TCF12: variants seen among roughly 807,000 people sequenced by gnomAD.
TCF12 encodes transcription factor 12, also known as DNA-binding protein HTF4.
TCF12 carries 45 observed loss-of-function variants against 86.0 expected under a neutral mutation model. The ratio of observed to expected loss-of-function variants is 0.52; its 90% CI spans 0.41 to 0.67. TCF12 has a LOEUF of 0.67. Ranked by LOEUF, TCF12 falls within the 30% of genes least tolerant of loss-of-function variation. TCF12 has a pLI of 0.00. For missense variants in TCF12, 881 were observed against 859.9 expected, an observed-to-expected ratio of 1.02 and a Z score of -0.31; for synonymous variants, 330 against 299.6, an observed-to-expected ratio of 1.10 and a Z score of -1.05.
At chr15:57,134,795 C>A (rs1427176482) in intron 5 of TCF12, among the ~76,000 whole-genome samples, 1 of 151,674 alleles carries the variant, frequency 6.6e-6, no homozygotes, top group Non-Finnish European at 1.5e-5. Flanking sequence ...CCCAGTGGAT[C>A]ACTGTCAAGA....
chr15:56,935,328 C>A (rs538224953), intron 3 of TCF12, among the ~76,000 whole-genome samples: 2 of 152,084 alleles, frequency 1.3e-5, no homozygotes, highest in Non-Finnish European at 2.9e-5. Context: ...AGGCTAAAAG[C>A]CTGAGATCAG....
chr15:56,978,793 T>A (rs2062744830), intron 3 of TCF12, among the ~76,000 whole-genome samples: 1 of 152,198 alleles, frequency 6.6e-6, no homozygotes, highest in Non-Finnish European at 1.5e-5. Context: ...CTGGCCTAAG[T>A]ATTCAGCAGG....
At chr15:56,972,828 G>A (rs1176108557) in intron 3 of TCF12, among the ~76,000 whole-genome samples, 1 of 152,162 alleles carries the variant, frequency 6.6e-6, no homozygotes. Flanking sequence ...TTTCAAATGA[G>A]TAACATAGTT....
intron 3 of TCF12, among the ~76,000 whole-genome samples, chr15:57,004,257 G>A (rs1316721047): frequency 2.0e-5 from 3 of 149,984 alleles, no homozygotes; most frequent in Non-Finnish European, 4.4e-5. Context: ...TTTTGAGATG[G>A]AGTTTTGCTC....
intron 18 of TCF12, 36 bp downstream of exon 18, chr15:57,263,310 T>C: frequency 6.3e-7 from 1 of 1,587,834 alleles, no homozygotes; most frequent in South Asian, 1.2e-5. Context: ...ATTTTATTCA[T>C]TTTCCATAGG....
chr15:56,962,056 C>G (rs1053800514), intron 3 of TCF12, among the ~76,000 whole-genome samples: 8 of 150,340 alleles, frequency 5.3e-5, no homozygotes, highest in Non-Finnish European at 1.2e-4. Flanking sequence ...TGGCGTGAAC[C>G]CGGGAGGCGG....
intron 3 of TCF12, among the ~76,000 whole-genome samples, chr15:57,014,734 C>T (rs1244174296): frequency 6.6e-6 from 1 of 152,058 alleles, no homozygotes; most frequent in African/African-American, 2.4e-5. Context: ...TCAGATTCTT[C>T]TGCAGGGTTG....
chr15:57,254,874 A>AAAAAAAG (rs1555410242), intron 16 of TCF12, among the ~76,000 whole-genome samples: 27 of 108,706 alleles, frequency 2.5e-4, no homozygotes, highest in Non-Finnish European at 4.3e-4. Flanking sequence ...AAAAAAAAAA[A>AAAAAAAG]AAAGAAAGAA....
At chr15:56,973,089 A>G (rs2062418926) in intron 3 of TCF12, among the ~76,000 whole-genome samples, 1 of 152,074 alleles carries the variant, frequency 6.6e-6, no homozygotes. Flanking sequence ...TTAAAAGTAG[A>G]AAGGGAGAAG....
intron 3 of TCF12, among the ~76,000 whole-genome samples, chr15:57,022,185 TTAAG>T (rs1408643044): frequency 6.6e-6 from 1 of 152,124 alleles, no homozygotes; most frequent in Non-Finnish European, 1.5e-5. Context: ...ATCATTTATA[TTAAG>T]TATTTCTCTT....
At chr15:57,063,303 G>T (rs2068601980) in intron 3 of TCF12, among the ~76,000 whole-genome samples, 1 of 152,160 alleles carries the variant, frequency 6.6e-6, no homozygotes, top group Admixed American at 6.5e-5. Context: ...TCTGATCACT[G>T]ATCAGAAAGA....
At chr15:57,056,299 C>A (rs2068023566) in intron 3 of TCF12, among the ~76,000 whole-genome samples, 1 of 151,984 alleles carries the variant, frequency 6.6e-6, no homozygotes, top group African/African-American at 2.4e-5. Flanking sequence ...CACCACCATT[C>A]CCAGCTACTT....
chr15:57,028,618 T>G (rs573545989), intron 3 of TCF12, among the ~76,000 whole-genome samples: 352 of 152,306 alleles, frequency 2.3e-3, no homozygotes, highest in African/African-American at 8.1e-3. Context: ...ATATGAATAT[T>G]TTCTCCTAGC....
At chr15:57,261,691 G>A (rs1197864436) in intron 16 of TCF12, among the ~76,000 whole-genome samples, 3 of 152,028 alleles carry the variant, frequency 2.0e-5, no homozygotes, top group Non-Finnish European at 4.4e-5. Flanking sequence ...GAATGTAGCA[G>A]TATTTTGTTA....
intron 3 of TCF12, among the ~76,000 whole-genome samples, chr15:57,056,419 G>A (rs1011526088): frequency 6.6e-6 from 1 of 152,054 alleles, no homozygotes; most frequent in African/African-American, 2.4e-5. Context: ...TGGGATTACA[G>A]GCTTGAGCCA....
chr15:57,212,464 A>T (rs1313671542), intron 8 of TCF12, among the ~76,000 whole-genome samples: 1 of 152,030 alleles, frequency 6.6e-6, no homozygotes, highest in Non-Finnish European at 1.5e-5. Flanking sequence ...CTTTTTGTAG[A>T]GACAGGTCTT....
At position 56,988,307 on chromosome 15, in the gene TCF12, G is replaced by A. The variant is rs567352128; in HGVS notation, c.148+67209G>A. Among the ~76,000 whole-genome samples the A allele has an allele frequency of 5.8e-4, 88 of 152,252 alleles. 1 individual carries two copies. In the South Asian group the frequency reaches 7.3e-3, roughly 13 times the overall value. ...TATAGCCTACTATACACTAGACTAT[G>A]TGGTATAGCCTGTTGCTCCTAGGCT... is the stretch of plus-strand genomic sequence containing the variant. On this transcript the variant is annotated intron_variant, in intron 3 of 20. Coordinates refer to ENST00000333725, the MANE Select transcript of TCF12 (RefSeq NM_207037.2).
intron 3 of TCF12, among the ~76,000 whole-genome samples, chr15:56,984,937 A>G (rs1377411358): frequency 6.6e-6 from 1 of 152,208 alleles, no homozygotes; most frequent in Non-Finnish European, 1.5e-5. Flanking sequence ...CTGAGGCTGT[A>G]ATGTTGCTTA....
At chr15:56,983,824 A>C (rs1327542119) in intron 3 of TCF12, among the ~76,000 whole-genome samples, 5 of 151,272 alleles carry the variant, frequency 3.3e-5, no homozygotes, top group Non-Finnish European at 5.9e-5. Context: ...GCAAAATGAG[A>C]CTCCGTTTCT....
Sources: allele counts gnomAD v4.1 joint callset (sites outside exome capture counted in the v4.1 genomes callset), GRCh38; gene constraint gnomAD v4.1.1; transcripts MANE v1.5; gene names NCBI Gene and HGNC (gene_info 2026-07-23, HGNC 2026-07-21).